The following SLFN11 variants were observed in gnomAD, a reference collection of about 807,000 sequenced individuals.
The protein encoded by SLFN11 is schlafen family member 11.
A neutral mutation model predicts 53.4 loss-of-function variants in SLFN11; 43 were observed. That is an observed-to-expected ratio of 0.80 (90% CI 0.63 to 1.04). The LOEUF is 1.04. Ranked by LOEUF, SLFN11 falls within the 50% of genes least tolerant of loss-of-function variation. The pLI is 0.00. For missense variants in SLFN11, 990 were observed against 1,079.1 expected (o/e 0.92, Z 1.16); for synonymous variants, 389 against 394.7 (o/e 0.99, Z 0.17).
intron 5 of SLFN11, 180 bp downstream of exon 5, chr17:35,360,063 G>T: frequency 1.7e-6 from 1 of 572,898 alleles, no homozygotes. Context: ...GCCTTAGCCA[G>T]TGGGGTCAGT....
At chr17:35,364,217 G>C (rs1462086328) in intron 3 of SLFN11, among the ~76,000 whole-genome samples, 1 of 152,132 alleles carries the variant, frequency 6.6e-6, no homozygotes, top group Non-Finnish European at 1.5e-5. Flanking sequence ...GACTATCTCA[G>C]TTTAGGTTGT....
Position 35,362,887 on chromosome 17 carries a change from C to T in SLFN11, c.921G>A (p.Glu307=), listed in dbSNP as rs1478071427. 1.9e-6 allele frequency: 3 copies of T among 1,613,908 alleles called. No individual in the cohort carries two copies. The highest frequency in any genetic ancestry group is 1.1e-5 in the South Asian group (1 of 91,068). Residue 307 remains glutamate, a synonymous_variant, in exon 4 of 7, where the codon GAG becomes GAA. Coordinates refer to ENST00000685675, the MANE Select transcript of SLFN11 (RefSeq NM_001376007.1). ...LKIVNVLKRG[E]LYGYACMIRV... ...TGATCATGCAAGCATAGCCATAGAG[C>T]TCTCCCCTTTTTAACACATTCACAA...
intron 1 of SLFN11, among the ~76,000 whole-genome samples, chr17:35,369,794 A>C (rs2091197933): frequency 6.6e-6 from 1 of 152,124 alleles, no homozygotes; most frequent in South Asian, 2.1e-4. Flanking sequence ...AGACACATAC[A>C]ACCTACCAAG....
rs150001025 is a variant in SLFN11, at chr17:35,353,926, A to G, written c.1332T>C (p.Ser444=). 955 of 1,613,940 alleles carry G rather than the reference A, an allele frequency of 5.9e-4. 5 individuals are homozygous for G. Among genetic ancestry groups the G allele is most frequent in the African/African-American group, 2.5e-3 (191 of 75,022 alleles). The stretch of plus-strand genomic sequence containing the variant: ...CCTGCAAGTTCAGGTCCACAGCCCA[A>G]CTTCTAGAGAAGATCAAAATTCCCC... ...FFRGILIFSR[S]WAVDLNLQEK... Residue 444 remains serine (S), a synonymous_variant, in exon 6 of 7, where the codon AGT becomes AGC. Transcript: ENST00000685675.
intron 5 of SLFN11, among the ~76,000 whole-genome samples, chr17:35,357,117 T>C (rs1325128891): frequency 6.7e-6 from 1 of 150,208 alleles, no homozygotes; most frequent in African/African-American, 2.4e-5. Flanking sequence ...TTCTCTGGAC[T>C]ATCCGTGTTG....
intron 5 of SLFN11, among the ~76,000 whole-genome samples, chr17:35,354,909 G>T (rs1162578009): frequency 6.6e-6 from 1 of 151,938 alleles, no homozygotes; most frequent in Non-Finnish European, 1.5e-5. Context: ...CTTGTTCATT[G>T]TTGCTAGTGC....
At chr17:35,354,996 A>T (rs1433471716) in intron 5 of SLFN11, among the ~76,000 whole-genome samples, 1 of 152,154 alleles carries the variant, frequency 6.6e-6, no homozygotes, top group Non-Finnish European at 1.5e-5. Flanking sequence ...AGCATCTATT[A>T]TGAGACACAT....
At chr17:35,366,217 G>A (rs889051528) in intron 3 of SLFN11, among the ~76,000 whole-genome samples, 1 of 152,066 alleles carries the variant, frequency 6.6e-6, no homozygotes, top group Admixed American at 6.6e-5. Flanking sequence ...GGCAGGGATC[G>A]CATTGATAGG....
At chr17:35,362,667 A>C (rs1370951147) in intron 4 of SLFN11, 72 bp downstream of exon 4, 3 of 1,272,200 alleles carry the variant, frequency 2.4e-6, no homozygotes, top group Non-Finnish European at 3.2e-6. Flanking sequence ...CATAGGCAGC[A>C]AAGGAAAATT....
At chr17:35,359,724 G>T (rs1404396146) in intron 5 of SLFN11, among the ~76,000 whole-genome samples, 1 of 152,068 alleles carries the variant, frequency 6.6e-6, no homozygotes, top group Non-Finnish European at 1.5e-5. Context: ...GATTTATATT[G>T]TTTTCTCTTA....
chr17:35,371,578 A>T (rs72825960), intron 1 of SLFN11, among the ~76,000 whole-genome samples: 15,405 of 152,178 alleles, frequency 0.1, 1,085 homozygotes, highest in South Asian at 0.28. Flanking sequence ...ACCATCCAAC[A>T]AGGGAGTAAT....
chr17:35,368,569 A>G (rs541241549), intron 1 of SLFN11, among the ~76,000 whole-genome samples: 64 of 152,184 alleles, frequency 4.2e-4, no homozygotes, highest in African/African-American at 1.4e-3. Context: ...TCTAGGCCAC[A>G]AGGACTGAAA....
At chr17:35,367,852 C>T (rs536948385) in intron 1 of SLFN11, among the ~76,000 whole-genome samples, 152 bp from the exon 2 acceptor site, 29 of 151,026 alleles carry the variant, frequency 1.9e-4, no homozygotes, top group Admixed American at 2.7e-4. Flanking sequence ...ATTAGCTGTA[C>T]GGTTTCCATT....
chr17:35,372,927 T>C (rs1258372667), intron 1 of SLFN11, among the ~76,000 whole-genome samples: 1 of 152,156 alleles, frequency 6.6e-6, no homozygotes, highest in Admixed American at 6.5e-5. Flanking sequence ...GACATTTTTC[T>C]CATTTCTCCC....
chr17:35,371,363 A>G (rs1354149213), intron 1 of SLFN11, among the ~76,000 whole-genome samples: 1 of 152,152 alleles, frequency 6.6e-6, no homozygotes, highest in Non-Finnish European at 1.5e-5. Flanking sequence ...CACACTGTGA[A>G]ACTACTACAA....
intron 5 of SLFN11, among the ~76,000 whole-genome samples, chr17:35,355,019 G>A (rs1431959021): frequency 6.6e-6 from 1 of 152,072 alleles, no homozygotes. Flanking sequence ...AGATTTTAGA[G>A]ATGTTAAAAT....
rs758284023 is a variant in SLFN11 at position 35,352,667 on chromosome 17, AGCGCCTGCACGTGTCT to A, written c.2379_2394del (p.Asp794SerfsTer29). 7.0e-5 allele frequency: 113 copies of A among 1,614,086 alleles called. No individual in the cohort carries two copies. In the South Asian group the frequency reaches 7.0e-4, roughly 10 times the overall value. ...TTTGGAGAATAGCCCCTATCAAAGA[AGCGCCTGCACGTGTCT>A]GCCACACAGGTCATTATTTGCTCCA... is the stretch of plus-strand genomic sequence containing the variant. On this transcript the variant is annotated frameshift_variant, in exon 7 of 7. Transcript: ENST00000685675. LOFTEE classifies it low-confidence loss of function (END_TRUNC).
intron 4 of SLFN11, among the ~76,000 whole-genome samples, chr17:35,361,668 T>A (rs1296715426): frequency 6.6e-6 from 1 of 151,988 alleles, no homozygotes; most frequent in Non-Finnish European, 1.5e-5. Context: ...AAATCAACAA[T>A]GTCCTCAAGG....
chr17:35,357,265 C>A (rs1907630969), intron 5 of SLFN11, among the ~76,000 whole-genome samples: 2 of 151,370 alleles, frequency 1.3e-5, no homozygotes, highest in Admixed American at 6.6e-5. Context: ...ATTTTTTCTA[C>A]TGGTCATGGT....
Sources: gnomAD v4.1 joint callset for allele counts (sites outside exome capture counted in the v4.1 genomes callset) on GRCh38, gnomAD v4.1.1 for gene constraint, MANE v1.5 for transcripts, NCBI Gene and HGNC (gene_info 2026-07-23, HGNC 2026-07-21) for gene names.